PDXDC1: variants seen among roughly 807,000 people sequenced by gnomAD.
PDXDC1 encodes the protein pyridoxal dependent decarboxylase domain containing 1, also known as pyridoxal-dependent decarboxylase domain-containing protein 1.
In PDXDC1, 42 loss-of-function variants were observed where a neutral mutation model predicts 100.1. The observed-to-expected ratio is 0.42, with a 90% CI of 0.33 to 0.54. The LOEUF (loss-of-function observed/expected upper bound fraction) is 0.54, where lower values mean the gene tolerates loss of function less well. Ranked by LOEUF, PDXDC1 falls within the 20% of genes least tolerant of loss-of-function variation. PDXDC1 has a pLI of 0.10. For missense variants in PDXDC1, 636 were observed against 979.2 expected (o/e 0.65, Z 4.68); for synonymous variants, 260 against 371.7 (o/e 0.70, Z 3.46).
intron 16 of PDXDC1, chr16:15,044,546 A>G: frequency 3.0e-6 from 2 of 665,492 alleles, no homozygotes; most frequent in South Asian, 1.7e-5. Context: ...GCCACCGCAA[A>G]AGAAAGTATC....
intron 16 of PDXDC1, chr16:15,131,455 T>C: frequency 6.2e-7 from 1 of 1,607,914 alleles, no homozygotes. Context: ...GATGGAGAAG[T>C]GGCAGCCAGG....
At chr16:15,145,551 AG>A in the PDXDC1 span, among the ~76,000 whole-genome samples, 3 of 152,270 alleles carry the variant, frequency 2.0e-5, no homozygotes, top group Non-Finnish European at 4.4e-5. Context: ...TGCTAAGGTC[AG>A]GAACGCCAGG....
intron 1 of PDXDC1, among the ~76,000 whole-genome samples, chr16:14,990,738 T>C (rs142280375): frequency 2.1e-3 from 321 of 152,304 alleles, no homozygotes; most frequent in Non-Finnish European, 3.9e-3. Flanking sequence ...AAGAATGATT[T>C]ATTTATTTTT....
chr16:15,075,279 A>G (rs892869931), intron 16 of PDXDC1, among the ~76,000 whole-genome samples: 2 of 151,474 alleles, frequency 1.3e-5, no homozygotes, highest in Non-Finnish European at 2.9e-5. Flanking sequence ...CTAAACTAAA[A>G]CAAAGAAATG....
rs2043258324 is a variant in PDXDC1, at chr16:15,034,274, G to A, written c.1813-12G>A. On this transcript the variant is annotated splice_polypyrimidine_tract_variant and intron_variant, in intron 19 of 22. Coordinates refer to ENST00000396410, the MANE Select transcript of PDXDC1 (RefSeq NM_015027.4). Reference sequence around the variant, plus strand: ...CCTTAAACAAGTAATGTCTTTCTTGGTCTTGCCACAGCTTCTGGAAAACAT... The same window carrying A: ...CCTTAAACAAGTAATGTCTTTCTTGATCTTGCCACAGCTTCTGGAAAACAT... 4 of 1,612,204 alleles carry A rather than the reference G, an allele frequency of 2.5e-6. No individual in the cohort carries two copies. The Admixed American group carries it at 5.0e-5, about 20-fold the overall frequency.
intron 16 of PDXDC1, chr16:15,092,547 C>G (rs2046177312): frequency 1.9e-6 from 3 of 1,613,550 alleles, no homozygotes; most frequent in Non-Finnish European, 2.5e-6. Context: ...ACAGTTCCAC[C>G]AAACCGAACA....
chr16:15,127,443 A>G (rs1335829126), intron 16 of PDXDC1: 1 of 1,526,730 alleles, frequency 6.5e-7, no homozygotes, highest in Non-Finnish European at 8.8e-7. Flanking sequence ...CATTCCCAGT[A>G]CTCCCCGGTC....
chr16:15,130,187 C>G, intron 16 of PDXDC1: 1 of 1,546,970 alleles, frequency 6.5e-7, no homozygotes, highest in South Asian at 1.2e-5. Flanking sequence ...CTCCCAGGAG[C>G]ACAGGGTCAC....
chr16:15,133,108 T>C (rs900061478), intron 16 of PDXDC1: 1 of 624,710 alleles, frequency 1.6e-6, no homozygotes, highest in Non-Finnish European at 2.8e-6. Context: ...TGGGTGTGGC[T>C]GCTGGGAGCG....
At chr16:15,066,584 G>C (rs979466189) in intron 16 of PDXDC1, among the ~76,000 whole-genome samples, 3 of 150,892 alleles carry the variant, frequency 2.0e-5, no homozygotes, top group Admixed American at 6.6e-5. Context: ...AGTGAGCTAA[G>C]ATCACGCCAC....
downstream of PDXDC1, chr16:15,039,993 A>G: frequency 6.2e-7 from 1 of 1,608,320 alleles, no homozygotes; most frequent in South Asian, 1.1e-5. Context: ...AAGTTCGCGC[A>G]GCACGAAGCT....
chr16:15,077,740 C>G (rs894622556), intron 16 of PDXDC1, among the ~76,000 whole-genome samples: 12 of 152,224 alleles, frequency 7.9e-5, no homozygotes, highest in African/African-American at 2.7e-4. Flanking sequence ...AATCAGGAGG[C>G]TGAGGCAGGA....
At chr16:15,031,963 T>A (rs1418722302) in intron 17 of PDXDC1, 57 bp downstream of exon 17, 6 of 1,404,260 alleles carry the variant, frequency 4.3e-6, no homozygotes, top group Non-Finnish European at 4.9e-6. Flanking sequence ...AGAACATGAG[T>A]GGGTCATTTT....
chr16:15,127,713 G>A (rs1305092798), intron 16 of PDXDC1: 12 of 1,495,628 alleles, frequency 8.0e-6, no homozygotes, highest in South Asian at 7.2e-5. Context: ...CAACAGCCCC[G>A]TACCACACGG....
At chr16:14,999,891 A>G (rs865908030) in intron 3 of PDXDC1, among the ~76,000 whole-genome samples, 4 of 152,270 alleles carry the variant, frequency 2.6e-5, no homozygotes, top group Non-Finnish European at 4.4e-5. Flanking sequence ...GAAACTGCAC[A>G]TAAGTAAACA....
chr16:15,089,963 C>T (rs892520559), intron 16 of PDXDC1, among the ~76,000 whole-genome samples: 4 of 151,864 alleles, frequency 2.6e-5, no homozygotes, highest in Admixed American at 6.6e-5. Flanking sequence ...AATCCCAGCA[C>T]TTTGGGAGGC....
chr16:15,061,117 G>T (rs1231518572), intron 16 of PDXDC1: 1 of 152,002 alleles, frequency 6.6e-6, no homozygotes, highest in Non-Finnish European at 1.5e-5. Flanking sequence ...GCTTTTATTG[G>T]TCTCTGAAGT....
chr16:15,126,437 C>T (rs1208375605), intron 16 of PDXDC1, among the ~76,000 whole-genome samples: 1 of 120,972 alleles, frequency 8.3e-6, no homozygotes, highest in East Asian at 2.2e-4. Flanking sequence ...GCTTATGCGC[C>T]TTCTCTGTGT....
intron 1 of PDXDC1, among the ~76,000 whole-genome samples, chr16:14,995,933 G>T (rs1196836642): frequency 6.6e-6 from 1 of 152,296 alleles, no homozygotes; most frequent in Non-Finnish European, 1.5e-5. Flanking sequence ...TTGCGTAGAG[G>T]TGTTTATAGT....
Sources: allele counts gnomAD v4.1 joint callset (sites outside exome capture counted in the v4.1 genomes callset), GRCh38; gene constraint gnomAD v4.1.1; transcripts MANE v1.5; gene names NCBI Gene and HGNC (gene_info 2026-07-23, HGNC 2026-07-21).